Variants in GRK5 observed in about 807,000 individuals in gnomAD.
The protein encoded by GRK5 is G protein-coupled receptor kinase 5, also known as g protein-coupled receptor kinase GRK5.
In GRK5, 40 loss-of-function variants were observed where a neutral mutation model predicts 78.4. The observed-to-expected ratio is 0.51, with a 90% CI of 0.40 to 0.66. GRK5 has a LOEUF of 0.66. GRK5 is among the 30% of genes least tolerant of loss of function. GRK5 has a pLI of 0.00. For missense variants in GRK5, 598 were observed against 759.9 expected (o/e 0.79, Z 2.50); for synonymous variants, 289 against 296.8 (o/e 0.97, Z 0.27).
intron 1 of GRK5, among the ~76,000 whole-genome samples, chr10:119,308,872 GA>G (rs1299976702): frequency 6.6e-6 from 1 of 150,722 alleles, no homozygotes; most frequent in Non-Finnish European, 1.5e-5. Flanking sequence ...GGATTTGGGG[GA>G]ATGCTGGCAG....
chr10:119,383,993 G>A (rs1851753169), intron 3 of GRK5, among the ~76,000 whole-genome samples: 1 of 152,174 alleles, frequency 6.6e-6, no homozygotes, highest in Admixed American at 6.5e-5. Flanking sequence ...CTAGGATAAA[G>A]TCCAGGTTCC....
chr10:119,364,761 C>A (rs1053179939), intron 2 of GRK5, among the ~76,000 whole-genome samples: 1 of 152,204 alleles, frequency 6.6e-6, no homozygotes, highest in Non-Finnish European at 1.5e-5. Flanking sequence ...CTGAGCAAAG[C>A]TTTTCTCCAT....
At chr10:119,285,123 G>A (rs781043479) in intron 1 of GRK5, among the ~76,000 whole-genome samples, 3 of 152,168 alleles carry the variant, frequency 2.0e-5, no homozygotes, top group Non-Finnish European at 4.4e-5. Context: ...CTAGAGTGAA[G>A]TCATCAGACC....
chr10:119,355,850 C>T (rs1019745282), intron 2 of GRK5, among the ~76,000 whole-genome samples: 3 of 152,150 alleles, frequency 2.0e-5, no homozygotes, highest in Non-Finnish European at 4.4e-5. Context: ...ATCAAGGTGT[C>T]CTGAGTCCAT....
intron 10 of GRK5, among the ~76,000 whole-genome samples, chr10:119,441,555 G>A (rs1853035736): frequency 6.6e-6 from 1 of 152,214 alleles, no homozygotes; most frequent in African/African-American, 2.4e-5. Context: ...CCAATCTCCA[G>A]AGACCAACAA....
At chr10:119,451,157 C>CCTGCCAGCCCCCCACAGT (rs1853277319) in intron 13 of GRK5, among the ~76,000 whole-genome samples, 1 of 149,554 alleles carries the variant, frequency 6.7e-6, no homozygotes, top group African/African-American at 2.5e-5. Flanking sequence ...CACAGTCATC[C>CCTGCCAGCCCCCCACAGT]CATCCCCACA....
chr10:119,291,365 C>G (rs1313120787), intron 1 of GRK5, among the ~76,000 whole-genome samples: 1 of 152,142 alleles, frequency 6.6e-6, no homozygotes, highest in Admixed American at 6.5e-5. Flanking sequence ...CTTGGAAAAA[C>G]AGGTCTGGGT....
At chr10:119,313,142 A>ATGGG in intron 1 of GRK5, among the ~76,000 whole-genome samples, 1 of 100,044 alleles carries the variant, frequency 1.0e-5, no homozygotes, top group Non-Finnish European at 2.0e-5. Flanking sequence ...TAATGATGGT[A>ATGGG]GTGGTGATGG....
intron 1 of GRK5, among the ~76,000 whole-genome samples, chr10:119,220,208 A>G (rs539679150): frequency 5.8e-4 from 88 of 152,310 alleles, no homozygotes; most frequent in African/African-American, 2.1e-3. Context: ...TATAATAATT[A>G]GTAACCACTG....
At chr10:119,400,688 G>C (rs1338709788) in intron 4 of GRK5, among the ~76,000 whole-genome samples, 1 of 152,148 alleles carries the variant, frequency 6.6e-6, no homozygotes, top group African/African-American at 2.4e-5. Flanking sequence ...GTGTGGAGTT[G>C]CCAGTGCTTC....
chr10:119,235,151 T>A lies in GRK5; in HGVS notation c.52+27182T>A, dbSNP rs10458764. On this transcript the variant is annotated intron_variant, in intron 1 of 15. Coordinates refer to ENST00000392870, the MANE Select transcript of GRK5 (RefSeq NM_005308.3). ...CCACCAGGACTGGCTAATTTTTTTT[T>A]ATTTTTTTTATTTTTGTAGAGACGG... Among the ~76,000 whole-genome samples the A allele has an allele frequency of 4.8e-3, 712 of 147,458 alleles. 18 individuals carry two copies. Among genetic ancestry groups the A allele is most frequent in the East Asian group, 0.027 (135 of 5,044 alleles).
intron 6 of GRK5, among the ~76,000 whole-genome samples, chr10:119,429,064 T>C (rs1852761747): frequency 6.6e-6 from 1 of 152,178 alleles, no homozygotes; most frequent in Non-Finnish European, 1.5e-5. Context: ...GTGTGGCAGC[T>C]CTTCCCTTTG....
At chr10:119,444,370 A>G (rs903125054) in intron 12 of GRK5, among the ~76,000 whole-genome samples, 3 of 152,116 alleles carry the variant, frequency 2.0e-5, no homozygotes, top group Non-Finnish European at 2.9e-5. Flanking sequence ...AAGGAGTGAC[A>G]GGAGCCATTG....
intron 1 of GRK5, among the ~76,000 whole-genome samples, chr10:119,285,598 G>T (rs1344228996): frequency 1.3e-5 from 2 of 152,224 alleles, no homozygotes; most frequent in African/African-American, 4.8e-5. Context: ...AGGGAAGATG[G>T]TTGCTGTGTG....
chr10:119,261,153 C>T (rs1416059149), intron 1 of GRK5, among the ~76,000 whole-genome samples: 5 of 149,984 alleles, frequency 3.3e-5, no homozygotes, highest in Admixed American at 2.0e-4. Flanking sequence ...GGGCGGCTGC[C>T]GGGCGGAGAG....
intron 2 of GRK5, among the ~76,000 whole-genome samples, chr10:119,373,116 G>A (rs768429936): frequency 4.6e-5 from 7 of 152,236 alleles, no homozygotes; most frequent in Non-Finnish European, 1.0e-4. Context: ...TCAGACTCAC[G>A]TGGAAAGTTG....
chr10:119,453,756 C>T (rs1589819530), intron 15 of GRK5, among the ~76,000 whole-genome samples: 1 of 152,330 alleles, frequency 6.6e-6, no homozygotes. Flanking sequence ...AAAGACTGAA[C>T]ATCATAAGCC....
intron 2 of GRK5, among the ~76,000 whole-genome samples, chr10:119,368,607 C>T (rs888257921): frequency 6.6e-6 from 1 of 152,240 alleles, no homozygotes; most frequent in Non-Finnish European, 1.5e-5. Context: ...AATGATGGGT[C>T]AGAGGTCATG....
At chr10:119,401,238 C>T (rs912164757) in intron 4 of GRK5, among the ~76,000 whole-genome samples, 3 of 152,226 alleles carry the variant, frequency 2.0e-5, no homozygotes, top group African/African-American at 7.2e-5. Flanking sequence ...CCTGCCTAAG[C>T]AATGCCTATG....
Sources: allele counts gnomAD v4.1 joint callset (sites outside exome capture counted in the v4.1 genomes callset), GRCh38; gene constraint gnomAD v4.1.1; transcripts MANE v1.5; gene names NCBI Gene and HGNC (gene_info 2026-07-23, HGNC 2026-07-21).